Variants in LRRC38 observed in about 807,000 individuals in gnomAD.
LRRC38 encodes the protein leucine rich repeat containing 38.
In LRRC38, 5 loss-of-function variants were observed where a neutral mutation model predicts 16.4. The observed-to-expected ratio is 0.31, with a 90% CI of 0.16 to 0.64. LRRC38 has a LOEUF of 0.64. Among genes scored for constraint, LRRC38 ranks in the 30% least tolerant of loss-of-function variants. LRRC38 has a pLI of 0.80. For missense variants in LRRC38, 341 were observed against 401.8 expected, an observed-to-expected ratio of 0.85 and a Z score of 1.29; for synonymous variants, 191 against 190.2, an observed-to-expected ratio of 1.00 and a Z score of -0.04.
intron 1 of LRRC38, among the ~76,000 whole-genome samples, chr1:13,481,225 C>T (rs1052341935): frequency 2.6e-5 from 4 of 152,058 alleles, no homozygotes; most frequent in Non-Finnish European, 4.4e-5. Context: ...GATTCTCCTG[C>T]CTCAGCCTTC....
intron 1 of LRRC38, among the ~76,000 whole-genome samples, chr1:13,502,074 C>T (rs1230355382): frequency 1.3e-5 from 2 of 151,524 alleles, no homozygotes; most frequent in African/African-American, 2.4e-5. Context: ...ACTACAGGGG[C>T]ACGCTGCCAC....
At chr1:13,479,701 C>T (rs1638828889) in intron 1 of LRRC38, among the ~76,000 whole-genome samples, 2 of 152,166 alleles carry the variant, frequency 1.3e-5, no homozygotes, top group South Asian at 2.1e-4. Context: ...ACTTGATGAG[C>T]TTTCATAGCT....
chr1:13,481,460 C>T (rs1483659932), intron 1 of LRRC38, among the ~76,000 whole-genome samples: 2 of 151,116 alleles, frequency 1.3e-5, no homozygotes, highest in Non-Finnish European at 2.9e-5. Context: ...GGCATGATCT[C>T]GGCTCACTGC....
chr1:13,499,230 C>T (rs1246927690), intron 1 of LRRC38, among the ~76,000 whole-genome samples: 1 of 152,134 alleles, frequency 6.6e-6, no homozygotes, highest in East Asian at 1.9e-4. Flanking sequence ...TCCCGAGTAG[C>T]TGGGATTACA....
Position 13,485,285 on chromosome 1 carries a change from A to AAAAAAAAAAAAAAAAAC in LRRC38, c.632-9187_632-9186insGTTTTTTTTTTTTTTTT, listed in dbSNP as rs1553134928. Among the ~76,000 whole-genome samples, 285 of 149,184 alleles carry AAAAAAAAAAAAAAAAAC rather than the reference A, an allele frequency of 1.9e-3. 2 individuals are homozygous for AAAAAAAAAAAAAAAAAC. The highest frequency in any genetic ancestry group is 6.6e-3 in the African/African-American group (261 of 39,746). On this transcript the variant is annotated intron_variant, in intron 1 of 1. Coordinates refer to ENST00000376085, the MANE Select transcript of LRRC38 (RefSeq NM_001010847.2). Reference sequence around the variant, plus strand: ...AGAGCAAAACCCCACCTTAAAAAAAAAAAAAAAAACGGCCAGGCACAGTGG... The same window carrying AAAAAAAAAAAAAAAAAC: ...AGAGCAAAACCCCACCTTAAAAAAAAAAAAAAAAAAAAAAAACAAAAAAAAACGGCCAGGCACAGTGG...
At position 13,513,627 on chromosome 1, in the gene LRRC38, G is replaced by T; in HGVS notation, c.-34C>A. On this transcript the variant is annotated 5_prime_UTR_variant, in exon 1 of 2. Transcript: ENST00000376085. ...GGCCCGCGCCGGCCGCGGCGAGAAG[G>T]AAGCGGCTCTCGGAGCGAGCCCTGG... 1 of 1,054,190 alleles carries T rather than the reference G, an allele frequency of 9.5e-7. No homozygotes were observed. 65.3% of individuals were successfully genotyped at this position (1,054,190 alleles called of 1,614,324 possible). A position where few individuals can be genotyped will look rare whatever the true frequency, so the allele number is the denominator to read the frequency against.
chr1:13,478,128 T>C (rs992862939), intron 1 of LRRC38, among the ~76,000 whole-genome samples: 3 of 152,194 alleles, frequency 2.0e-5, no homozygotes. Flanking sequence ...CAAATTCAAA[T>C]GACGACCATG....
intron 1 of LRRC38, among the ~76,000 whole-genome samples, chr1:13,502,573 G>C (rs762376988): frequency 6.6e-6 from 1 of 152,228 alleles, no homozygotes; most frequent in Non-Finnish European, 1.5e-5. Flanking sequence ...CTGCCCTGTT[G>C]CTATTCTGTG....
At chr1:13,481,207 G>A (rs192725973) in intron 1 of LRRC38, among the ~76,000 whole-genome samples, 41 of 152,140 alleles carry the variant, frequency 2.7e-4, no homozygotes, top group Middle Eastern at 3.4e-3. Flanking sequence ...TGCTTCCTGG[G>A]TTCAAGCGAT....
chr1:13,491,673 TTC>T (rs1347548115), intron 1 of LRRC38, among the ~76,000 whole-genome samples: 6 of 151,944 alleles, frequency 3.9e-5, no homozygotes, highest in South Asian at 4.1e-4. Flanking sequence ...CCATTTTCTT[TTC>T]TCTCTTTTTT....
In LRRC38 at chr1:13,513,024, G is replaced by C; in HGVS notation, c.570C>G (p.Cys190Trp). ...SLRLDGNPWL[C>W]DCDFAHLFSW... ...AGAAGAGGTGGGCGAAGTCACAGTCGCACAGCCAGGGGTTCCCGTCCAGAC... is the reference window on the plus strand; with the variant it reads ...AGAAGAGGTGGGCGAAGTCACAGTCCCACAGCCAGGGGTTCCCGTCCAGAC... The change falls in exon 1 of 2, where the codon TGC becomes TGG. Residue 190 changes from cysteine to tryptophan, a missense_variant. Cys to Trp is a radical substitution (Grantham distance 215). Transcript: ENST00000376085. 1 of 1,548,280 alleles carries C rather than the reference G, an allele frequency of 6.5e-7. No homozygotes were observed. The highest frequency in any genetic ancestry group is 1.4e-5 in the African/African-American group (1 of 73,024).
chr1:13,481,499 C>T lies in LRRC38; in HGVS notation c.632-5400G>A, dbSNP rs561885282. On this transcript the variant is annotated intron_variant, in intron 1 of 1. Coordinates refer to ENST00000376085, the MANE Select transcript of LRRC38 (RefSeq NM_001010847.2). ...CTCTGCCTCCTGGGTTCACGCCATT[C>T]TCCTTCCTCAGCCTCCAGAGTAGCT... is the stretch of plus-strand genomic sequence containing the variant. 6.6e-5 allele frequency among the ~76,000 whole-genome samples: 10 copies of T among 151,746 alleles called. No individual in the cohort carries two copies. The East Asian group carries it at 9.7e-4, about 15-fold the overall frequency.
intron 1 of LRRC38, among the ~76,000 whole-genome samples, chr1:13,481,210 C>A (rs1638849962): frequency 6.6e-6 from 1 of 152,048 alleles, no homozygotes; most frequent in South Asian, 2.1e-4. Flanking sequence ...TTCCTGGGTT[C>A]AAGCGATTCT....
At chr1:13,511,871 T>C (rs1639277566) in intron 1 of LRRC38, among the ~76,000 whole-genome samples, 1 of 152,152 alleles carries the variant, frequency 6.6e-6, no homozygotes, top group Non-Finnish European at 1.5e-5. Context: ...TGGGGTGTGT[T>C]TGATGACAGT....
intron 1 of LRRC38, among the ~76,000 whole-genome samples, chr1:13,505,345 C>G (rs1289174591): frequency 3.3e-5 from 5 of 152,228 alleles, no homozygotes; most frequent in Admixed American, 3.3e-4. Context: ...TCACAACAAC[C>G]CAACCTAGGA....
chr1:13,487,211 C>G lies in LRRC38; in HGVS notation c.632-11112G>C, dbSNP rs1206321285. On this transcript the variant is annotated intron_variant, in intron 1 of 1. Transcript: ENST00000376085. This position sits in a 1 kb window ranked among gnomAD's most constrained non-coding sequence, Gnocchi z 4.4. ...AGAGTTGGCTTCTGTTGTTTACGCT[C>G]AAGATACCCAACCGATGGATTCTAG... Among the ~76,000 whole-genome samples the G allele has an allele frequency of 1.4e-4, 21 of 152,200 alleles. 1 individual carries two copies.
chr1:13,512,923 C>CCCCCAA, intron 1 of LRRC38, 40 bp downstream of exon 1: 1 of 1,238,400 alleles, frequency 8.1e-7, no homozygotes, highest in Non-Finnish European at 1.1e-6. Context: ...CTCTCCCTGC[C>CCCCCAA]CCCCTCCCTC....
chr1:13,498,530 C>G (rs541518850), intron 1 of LRRC38, among the ~76,000 whole-genome samples: 7 of 152,096 alleles, frequency 4.6e-5, no homozygotes, highest in Middle Eastern at 3.4e-3. Context: ...ACTCAGGAGG[C>G]TGAGGCAGGA....
intron 1 of LRRC38, among the ~76,000 whole-genome samples, chr1:13,491,311 TAA>T (rs1639009005): frequency 1.3e-5 from 2 of 152,214 alleles, no homozygotes; most frequent in South Asian, 4.1e-4. Context: ...GGGTATTTTT[TAA>T]ATCCAGTTCA....
Sources: gnomAD v4.1 joint callset for allele counts (sites outside exome capture counted in the v4.1 genomes callset) on GRCh38, gnomAD v4.1.1 for gene constraint, Gnocchi (gnomAD v3.1) non-coding constraint, MANE v1.5 for transcripts, NCBI Gene and HGNC (gene_info 2026-07-23, HGNC 2026-07-21) for gene names.